Variants in CAPSL observed in about 807,000 individuals in gnomAD.
CAPSL encodes calcyphosine like.
In CAPSL, 17 loss-of-function variants were observed where a neutral mutation model predicts 21.3. The ratio of observed to expected loss-of-function variants is 0.80; its 90% CI spans 0.55 to 1.20. The LOEUF is 1.20. Ranked by LOEUF, CAPSL falls within the 50% of genes most tolerant of loss-of-function variation. CAPSL has a pLI of 0.00. For synonymous variants in CAPSL, 102 were observed against 89.3 expected, an observed-to-expected ratio of 1.14 and a Z score of -0.80; for missense variants, 289 against 259.3, an observed-to-expected ratio of 1.11 and a Z score of -0.79.
At chr5:35,910,907 T>C (rs1448989563) in intron 2 of CAPSL, among the ~76,000 whole-genome samples, 1 of 152,218 alleles carries the variant, frequency 6.6e-6, no homozygotes, top group Non-Finnish European at 1.5e-5. Flanking sequence ...CTAAAACCCA[T>C]AGCACTTTAC....
intron 2 of CAPSL, among the ~76,000 whole-genome samples, chr5:35,915,783 T>C (rs1738368787): frequency 6.6e-6 from 1 of 152,160 alleles, no homozygotes; most frequent in African/African-American, 2.4e-5. Flanking sequence ...ACTGGAAGCA[T>C]TCCATTTGAA....
chr5:35,909,864 A>C lies in CAPSL; in HGVS notation c.525+2T>G. The C allele has an allele frequency of 6.2e-7, 1 of 1,606,324 alleles. No homozygotes were observed. The highest frequency in any genetic ancestry group is 8.5e-7 in the Non-Finnish European group (1 of 1,177,752). On this transcript the variant is annotated splice_donor_variant, in intron 4 of 4. Transcript: ENST00000651391. LOFTEE classifies it high-confidence loss of function. ...TCCCCTAGATTAGGCTCTTTTACTT[A>C]CCAATCCATCTTTGTCATAGGGTGA...
At position 35,910,064 on chromosome 5, in the gene CAPSL, G is replaced by A. The variant is rs117483383; in HGVS notation, c.327C>T (p.Ser109=). 973 of 1,600,202 alleles carry A rather than the reference G, an allele frequency of 6.1e-4. 16 individuals carry two copies. The East Asian group carries it at 0.017, about 29-fold the overall frequency. ...EFLLTLRPPM[S]RARKEVIMQA... is the part of the protein sequence containing the mutation. ...GCATGATTACCTCTTTTCTGGCTCT[G>A]GACATTGGAGGCTACAAAAATAGAA... The change falls in exon 4 of 5, where the codon TCC becomes TCT. Residue 109 remains serine (S), a synonymous_variant. Coordinates refer to ENST00000651391, the MANE Select transcript of CAPSL (RefSeq NM_001042625.2).
At chr5:35,920,571 A>T (rs1048915679) in intron 2 of CAPSL, among the ~76,000 whole-genome samples, 2 of 152,216 alleles carry the variant, frequency 1.3e-5, no homozygotes, top group African/African-American at 4.8e-5. Flanking sequence ...GAAGTGATGG[A>T]GAAATGATTG....
intron 4 of CAPSL, among the ~76,000 whole-genome samples, chr5:35,909,093 T>C (rs1338530835): frequency 1.3e-5 from 2 of 151,986 alleles, no homozygotes; most frequent in Non-Finnish European, 2.9e-5. Context: ...AGGGTTTTTT[T>C]TTTTTTTCTA....
chr5:35,929,523 C>A (rs1180948074), intron 1 of CAPSL, among the ~76,000 whole-genome samples: 1 of 152,148 alleles, frequency 6.6e-6, no homozygotes, highest in East Asian at 1.9e-4. Context: ...GAACTCCTGA[C>A]CTCATGATCC....
chr5:35,907,485 G>A (rs1397085358), intron 4 of CAPSL, among the ~76,000 whole-genome samples: 1 of 152,178 alleles, frequency 6.6e-6, no homozygotes, highest in Non-Finnish European at 1.5e-5. Flanking sequence ...TCACCAAATT[G>A]TGGTGGGGTT....
intron 4 of CAPSL, among the ~76,000 whole-genome samples, chr5:35,908,663 A>C (rs1336868851): frequency 6.6e-6 from 1 of 152,158 alleles, no homozygotes; most frequent in African/African-American, 2.4e-5. Context: ...CTGGAAGAAA[A>C]CATGTAGTTT....
chr5:35,925,116 C>T (rs1468030507), intron 1 of CAPSL, among the ~76,000 whole-genome samples: 1 of 152,246 alleles, frequency 6.6e-6, no homozygotes, highest in Non-Finnish European at 1.5e-5. Flanking sequence ...CACATTCCCC[C>T]GGCCAGGCAT....
At position 35,904,642 on chromosome 5, in the gene CAPSL, G is replaced by T. The variant is rs559681613; in HGVS notation, c.530C>A (p.Thr177Asn). The T allele has an allele frequency of 4.3e-5, 69 of 1,612,712 alleles. No individual in the cohort carries two copies. Among genetic ancestry groups the T allele is most frequent in the Non-Finnish European group, 5.3e-5 (62 of 1,179,686 alleles). ...ATAGTAGTTCATGAACTCCTCAGGGGTCACCTGCAGTGGAAAAGTTAGAAA... is the reference window on the plus strand; with the variant it reads ...ATAGTAGTTCATGAACTCCTCAGGGTTCACCTGCAGTGGAAAAGTTAGAAA... Reference protein sequence around the residue: ...DSPYDKDGLVTPEEFMNYYAG... With the variant: ...DSPYDKDGLVNPEEFMNYYAG... Residue 177 changes from threonine (T) to asparagine (N), a missense_variant, in exon 5 of 5, where the codon ACC becomes AAC. By Grantham distance (65) the Thr-to-Asn change is moderately conservative. Coordinates refer to ENST00000651391, the MANE Select transcript of CAPSL (RefSeq NM_001042625.2).
Position 35,915,947 on chromosome 5 carries a change from T to C in CAPSL, c.137+5037A>G, listed in dbSNP as rs1738374377. Among the ~76,000 whole-genome samples, 3 of 152,176 alleles carry C rather than the reference T, an allele frequency of 2.0e-5. No homozygotes were observed. The South Asian group carries it at 6.2e-4, about 32-fold the overall frequency. On this transcript the variant is annotated intron_variant, in intron 2 of 4. Transcript: ENST00000651391. ...TGTCCCTGTTTGCAGATGACATGAT[T>C]GTATATCTAGAAAACCCCATCGTCT...
intron 4 of CAPSL, among the ~76,000 whole-genome samples, chr5:35,908,677 T>C (rs948870145): frequency 4.6e-5 from 7 of 152,220 alleles, no homozygotes; most frequent in Admixed American, 3.3e-4. Flanking sequence ...GTAGTTTTTA[T>C]TTCTGTCCCT....
In CAPSL at chr5:35,929,063, G is replaced by A. The variant is rs571517098; in HGVS notation, c.1-7943C>T. ...TAACACAACACAGGGCAAGATAAAG[G>A]CATGAAGAGAAGAGGTAGTAAATAC... is the stretch of plus-strand genomic sequence containing the variant. On this transcript the variant is annotated intron_variant, in intron 1 of 4. Coordinates refer to ENST00000651391, the MANE Select transcript of CAPSL (RefSeq NM_001042625.2). 2.0e-5 allele frequency among the ~76,000 whole-genome samples: 3 copies of A among 152,232 alleles called. No individual in the cohort carries two copies. The South Asian group carries it at 6.2e-4, about 32-fold the overall frequency.
chr5:35,937,759 A>G (rs1168859177), intron 1 of CAPSL, among the ~76,000 whole-genome samples: 1 of 152,176 alleles, frequency 6.6e-6, no homozygotes, highest in East Asian at 1.9e-4. Context: ...TGTATGCCTG[A>G]AATTCAAATC....
chr5:35,915,841 T>C (rs1017960839), intron 2 of CAPSL, among the ~76,000 whole-genome samples: 13 of 152,138 alleles, frequency 8.5e-5, no homozygotes, highest in Non-Finnish European at 1.9e-4. Flanking sequence ...CTATTCAACA[T>C]AGTGTTGGAA....
chr5:35,911,633 C>G (rs1230066880), intron 2 of CAPSL, among the ~76,000 whole-genome samples: 5 of 152,152 alleles, frequency 3.3e-5, no homozygotes, highest in African/African-American at 1.2e-4. Context: ...GATCTTGAAA[C>G]AGAAAAGGAC....
chr5:35,923,759 T>A (rs547631577), intron 1 of CAPSL, among the ~76,000 whole-genome samples: 2 of 152,228 alleles, frequency 1.3e-5, no homozygotes, highest in South Asian at 4.2e-4. Context: ...GGAGGGCCAG[T>A]GGGGAGTGAC....
intron 2 of CAPSL, among the ~76,000 whole-genome samples, chr5:35,916,857 G>T (rs529119684): frequency 0.011 from 1,737 of 152,144 alleles, 43 homozygotes; most frequent in African/African-American, 0.04. Flanking sequence ...AAGCCAAAAT[G>T]GACAAATGGC....
At chr5:35,929,279 C>CTTTTTT (rs10574026) in intron 1 of CAPSL, among the ~76,000 whole-genome samples, 1 of 117,660 alleles carries the variant, frequency 8.5e-6, no homozygotes, top group African/African-American at 3.2e-5. Flanking sequence ...AAAACAGTTC[C>CTTTTTT]TTTTTTTTTT....
Sources: gnomAD v4.1 joint callset for allele counts (sites outside exome capture counted in the v4.1 genomes callset) on GRCh38, gnomAD v4.1.1 for gene constraint, MANE v1.5 for transcripts, NCBI Gene and HGNC (gene_info 2026-07-23, HGNC 2026-07-21) for gene names.